CCDC144A: variants seen among roughly 807,000 people sequenced by gnomAD.
CCDC144A encodes the protein coiled-coil domain containing 144A, also known as coiled-coil domain-containing protein 144A.
CCDC144A carries 41 observed loss-of-function variants against 143.8 expected under a neutral mutation model. The observed-to-expected ratio is 0.29, with a 90% CI of 0.22 to 0.37. The LOEUF (loss-of-function observed/expected upper bound fraction) is 0.37, where lower values mean the gene tolerates loss of function less well. Among genes scored for constraint, CCDC144A ranks in the 10% least tolerant of loss-of-function variants. The pLI is 1.00. For missense variants in CCDC144A, 637 were observed against 1,488.8 expected (o/e 0.43, Z 9.41); for synonymous variants, 242 against 517.9 (o/e 0.47, Z 7.23).
chr17:16,751,232 G>A (rs545628036), intron 12 of CCDC144A, among the ~76,000 whole-genome samples: 12 of 151,508 alleles, frequency 7.9e-5, no homozygotes, highest in Admixed American at 3.9e-4. Context: ...TTCTCTTGAG[G>A]GTTTGTGGTG....
At chr17:16,696,125 G>A (rs1017765689) in intron 2 of CCDC144A, among the ~76,000 whole-genome samples, 3 of 152,032 alleles carry the variant, frequency 2.0e-5, no homozygotes, top group Non-Finnish European at 2.9e-5. Flanking sequence ...AGTGATTCTC[G>A]TGCCTCAGCC....
intron 2 of CCDC144A, among the ~76,000 whole-genome samples, chr17:16,704,450 G>A (rs1911928462): frequency 1.3e-5 from 2 of 151,728 alleles, no homozygotes; most frequent in South Asian, 2.1e-4. Flanking sequence ...GCGAGACTCC[G>A]TCTCAAAAAA....
chr17:16,763,271 T>A (rs958708683), intron 14 of CCDC144A, among the ~76,000 whole-genome samples: 2 of 151,928 alleles, frequency 1.3e-5, no homozygotes, highest in African/African-American at 2.4e-5. Flanking sequence ...GCTGCTTTAG[T>A]TCTCTTTGAT....
intron 12 of CCDC144A, among the ~76,000 whole-genome samples, chr17:16,750,090 T>A (rs2621523): frequency 3.3e-5 from 5 of 152,356 alleles, no homozygotes; most frequent in South Asian, 4.1e-4. Flanking sequence ...TAGACCATTG[T>A]ATTCAGTATT....
At chr17:16,753,969 T>C (rs1914948486) in intron 12 of CCDC144A, among the ~76,000 whole-genome samples, 1 of 152,248 alleles carries the variant, frequency 6.6e-6, no homozygotes, top group Non-Finnish European at 1.5e-5. Flanking sequence ...GTTTTAGACC[T>C]TTCTTTGTTG....
chr17:16,759,252 T>G (rs1915244764), intron 12 of CCDC144A, among the ~76,000 whole-genome samples: 2 of 152,274 alleles, frequency 1.3e-5, no homozygotes, highest in African/African-American at 4.8e-5. Context: ...TCAGAAGTTA[T>G]GGGTGGGTTT....
the CCDC144A span, among the ~76,000 whole-genome samples, chr17:16,675,241 C>T: frequency 6.7e-6 from 1 of 149,190 alleles, no homozygotes; most frequent in Non-Finnish European, 1.5e-5. Context: ...TCCACTCCAG[C>T]CTGGGCGACA....
At chr17:16,722,258 C>A (rs925093263) in intron 8 of CCDC144A, among the ~76,000 whole-genome samples, 1 of 151,940 alleles carries the variant, frequency 6.6e-6, no homozygotes, top group Non-Finnish European at 1.5e-5. Flanking sequence ...TCAAACAAAC[C>A]GTGTATTTAG....
At chr17:16,670,128 C>T in the CCDC144A span, among the ~76,000 whole-genome samples, 1 of 151,520 alleles carries the variant, frequency 6.6e-6, no homozygotes, top group African/African-American at 2.4e-5. Context: ...TTGCAGTGAG[C>T]TGAGATCACG....
rs187705666 is a variant in CCDC144A, at chr17:16,718,466, A to G, written c.1716-1732A>G. On this transcript the variant is annotated intron_variant, in intron 6 of 16. Coordinates refer to ENST00000399273, the MANE Select transcript of CCDC144A (RefSeq NM_001382000.1). ...CATTATCTTTTGTAGGTTTTTAGCA[A>G]ACTAATTGTCCTTAAAGTGTTTATT... Among the ~76,000 whole-genome samples, 596 of 152,318 alleles carry G rather than the reference A, an allele frequency of 3.9e-3. 3 individuals are homozygous for G. The highest frequency in any genetic ancestry group is 7.5e-3 in the Non-Finnish European group (509 of 68,036).
At chr17:16,737,206 G>A (rs1462215478) in intron 12 of CCDC144A, among the ~76,000 whole-genome samples, 1 of 122,320 alleles carries the variant, frequency 8.2e-6, no homozygotes, top group African/African-American at 3.3e-5. Context: ...TCGCTCTGTC[G>A]CCCAGGCTGG....
At chr17:16,726,009 G>T (rs1913396832) in intron 8 of CCDC144A, among the ~76,000 whole-genome samples, 1 of 152,058 alleles carries the variant, frequency 6.6e-6, no homozygotes, top group Middle Eastern at 3.4e-3. Context: ...TGTCTAATCT[G>T]TGTTCACTTC....
rs574083709 is a variant in CCDC144A, at chr17:16,761,321, G to A, written c.3373-104G>A. ...TGTACTCCGGCCTGGGCGACAGAGC[G>A]AGACTCCATCTCAAAAAAAAAAAAA... On this transcript the variant is annotated intron_variant, in intron 12 of 16. Coordinates refer to ENST00000399273, the MANE Select transcript of CCDC144A (RefSeq NM_001382000.1). 2.8e-4 allele frequency: 399 copies of A among 1,449,174 alleles called. 1 individual carries two copies. In the African/African-American group the frequency reaches 3.6e-3, roughly 13 times the overall value. The allele number at this position is 1,449,174 out of a possible 1,614,324, so 89.8% of individuals were successfully genotyped here. A position where few individuals can be genotyped will look rare whatever the true frequency, so the allele number is the denominator to read the frequency against.
At chr17:16,683,869 C>T in the CCDC144A span, 1 of 1,387,982 alleles carries the variant, frequency 7.2e-7, no homozygotes, top group Non-Finnish European at 1.0e-6. Context: ...ACATGGGAGA[C>T]TTCGTCGTCG....
In CCDC144A at chr17:16,699,881, G is replaced by A. The variant is rs544965047; in HGVS notation, c.416-5270G>A. Among the ~76,000 whole-genome samples the A allele has an allele frequency of 3.8e-3, 578 of 152,126 alleles. 6 individuals carry two copies. The highest frequency in any genetic ancestry group is 0.013 in the African/African-American group (550 of 41,488). ...GCATTTTTAATGCCTTTAGTCCAGT[G>A]GATATAGCAGTACAGGAATCTCCAA... is the stretch of plus-strand genomic sequence containing the variant. On this transcript the variant is annotated intron_variant, in intron 2 of 16. Transcript: ENST00000399273.
chr17:16,682,902 T>TAG, the CCDC144A span, among the ~76,000 whole-genome samples: 1 of 119,648 alleles, frequency 8.4e-6, no homozygotes, highest in African/African-American at 3.4e-5. Context: ...TTTTTTTTTT[T>TAG]TTTTTTTTTT....
intron 12 of CCDC144A, among the ~76,000 whole-genome samples, chr17:16,737,111 C>A (rs1219396784): frequency 6.8e-6 from 1 of 147,316 alleles, no homozygotes; most frequent in African/African-American, 2.5e-5. Context: ...GAAAAGAAGG[C>A]GAATCATATA....
In CCDC144A at chr17:16,720,677, T is replaced by C. The variant is rs1214316784; in HGVS notation, c.1891+19T>C. 2.0e-6 allele frequency: 3 copies of C among 1,516,932 alleles called. No individual in the cohort carries two copies. Among genetic ancestry groups the C allele is most frequent in the Admixed American group, 2.3e-5 (1 of 43,800 alleles). The allele number at this position is 1,516,932 out of a possible 1,614,324, so 94.0% of individuals were successfully genotyped here. Reference sequence around the variant, plus strand: ...TATAAAGGTAGGACCACTGCATAAATGCAAGGCCTTTTGATGTATCCTGCA... The same window carrying C: ...TATAAAGGTAGGACCACTGCATAAACGCAAGGCCTTTTGATGTATCCTGCA... On this transcript the variant is annotated intron_variant, in intron 8 of 16. Transcript: ENST00000399273.
chr17:16,747,864 C>T (rs1567604493), intron 12 of CCDC144A, among the ~76,000 whole-genome samples: 1 of 152,104 alleles, frequency 6.6e-6, no homozygotes, highest in African/African-American at 2.4e-5. Context: ...ATATCATCAG[C>T]AAAGAGAGAT....
Sources: gnomAD v4.1 joint callset for allele counts (sites outside exome capture counted in the v4.1 genomes callset) on GRCh38, gnomAD v4.1.1 for gene constraint, MANE v1.5 for transcripts, NCBI Gene and HGNC (gene_info 2026-07-23, HGNC 2026-07-21) for gene names.